ZBTB37: variants seen among roughly 807,000 people sequenced by gnomAD.
ZBTB37 encodes the protein zinc finger and BTB domain containing 37, also known as zinc finger and BTB domain-containing protein 37.
A neutral mutation model predicts 37.7 loss-of-function variants in ZBTB37; 15 were observed. The observed-to-expected ratio is 0.40, with a 90% confidence interval of 0.27 to 0.61. The LOEUF is 0.61. Among genes scored for constraint, ZBTB37 ranks in the 20% least tolerant of loss-of-function variants. The pLI, the probability that ZBTB37 is intolerant of heterozygous loss-of-function variation, is 0.44. For missense variants in ZBTB37, 514 were observed against 641.9 expected (o/e 0.80, Z 2.15); for synonymous variants, 231 against 220.6 (o/e 1.05, Z -0.42).
chr1:173,896,621 T>A (rs1657058766), exon 4 of ZBTB37: 1 of 152,242 alleles, frequency 6.6e-6, no homozygotes, highest in East Asian at 1.9e-4. Flanking sequence ...CAAATATTTA[T>A]TCTTTATTTT....
chr1:173,876,916 A>G (rs1214833961), intron 4 of ZBTB37, among the ~76,000 whole-genome samples: 2 of 152,168 alleles, frequency 1.3e-5, no homozygotes, highest in African/African-American at 4.8e-5. Context: ...ACAAATTTAG[A>G]TGGTATAACC....
intron 4 of ZBTB37, among the ~76,000 whole-genome samples, chr1:173,875,256 A>G (rs891374738): frequency 1.5e-5 from 2 of 134,822 alleles, no homozygotes; most frequent in Non-Finnish European, 3.0e-5. Context: ...TGCGTAGTAT[A>G]CACACACACA....
At chr1:173,893,418 A>C (rs181435309) in exon 4 of ZBTB37, 5 of 152,358 alleles carry the variant, frequency 3.3e-5, no homozygotes, top group Admixed American at 3.3e-4. Flanking sequence ...TTGATACCAG[A>C]CAACATGCTT....
chr1:173,882,138 G>C (rs1231816276), intron 4 of ZBTB37, among the ~76,000 whole-genome samples: 1 of 150,656 alleles, frequency 6.6e-6, no homozygotes, highest in East Asian at 1.9e-4. Flanking sequence ...ATTTGTTTAA[G>C]TTCTTTGTAA....
exon 4 of ZBTB37, chr1:173,898,032 C>A (rs1032738130): frequency 6.6e-6 from 1 of 152,074 alleles, no homozygotes; most frequent in African/African-American, 2.4e-5. Context: ...CAGTGGAGGT[C>A]AAGTCTGTTT....
At chr1:173,895,972 C>T (rs1657029173) in exon 4 of ZBTB37, 1 of 152,222 alleles carries the variant, frequency 6.6e-6, no homozygotes, top group African/African-American at 2.4e-5. Flanking sequence ...GGAGCATTAG[C>T]TGTGTGGCCT....
chr1:173,886,416 C>T (rs548865020), exon 5 of ZBTB37: 7 of 366,566 alleles, frequency 1.9e-5, no homozygotes, highest in South Asian at 3.6e-5. Flanking sequence ...TTTAACAAAA[C>T]GATGATGATA....
chr1:173,897,937 A>G (rs952135647), exon 4 of ZBTB37: 2 of 152,212 alleles, frequency 1.3e-5, no homozygotes, highest in African/African-American at 4.8e-5. Flanking sequence ...ACTTGAGTTT[A>G]GTGCTTTTTT....
intron 4 of ZBTB37, among the ~76,000 whole-genome samples, chr1:173,879,839 T>C (rs997359341): frequency 6.6e-6 from 1 of 152,120 alleles, no homozygotes; most frequent in Admixed American, 6.6e-5. Flanking sequence ...TAATCTCAGC[T>C]ACTCGGGAGG....
At chr1:173,876,327 T>A (rs182566566) in intron 4 of ZBTB37, among the ~76,000 whole-genome samples, 40 of 149,248 alleles carry the variant, frequency 2.7e-4, no homozygotes, top group Non-Finnish European at 5.7e-4. Context: ...TTATTATTAC[T>A]TTTTTTTTTA....
At chr1:173,887,146 T>G (rs1656656906), downstream of ZBTB37, 1 of 152,234 alleles carries the variant, frequency 6.6e-6, no homozygotes, top group Admixed American at 6.5e-5. Flanking sequence ...ATTTGATAAC[T>G]TTTATATGAA....
At chr1:173,884,084 T>A (rs945448462) in intron 4 of ZBTB37, among the ~76,000 whole-genome samples, 1 of 152,090 alleles carries the variant, frequency 6.6e-6, no homozygotes, top group Non-Finnish European at 1.5e-5. Flanking sequence ...TAACTCAGGT[T>A]AAAAAAATAA....
intron 4 of ZBTB37, among the ~76,000 whole-genome samples, chr1:173,881,984 G>A (rs1656339665): frequency 6.6e-6 from 1 of 151,584 alleles, no homozygotes; most frequent in South Asian, 2.1e-4. Flanking sequence ...AACCCGGGAG[G>A]CAGAGCTTGC....
chr1:173,875,332 T>A (rs201346421), intron 4 of ZBTB37, among the ~76,000 whole-genome samples: 3,781 of 81,682 alleles, frequency 0.046, 73 homozygotes, highest in African/African-American at 0.11. Flanking sequence ...ATATATATAT[T>A]TTTTTTTTTT....
intron 4 of ZBTB37, among the ~76,000 whole-genome samples, chr1:173,878,810 G>T (rs746305558): frequency 6.6e-6 from 1 of 152,142 alleles, no homozygotes; most frequent in Non-Finnish European, 1.5e-5. Flanking sequence ...TAGGCTGGGC[G>T]CAGTGGCTCA....
chr1:173,875,069 G>A (rs1655856651), intron 4 of ZBTB37, among the ~76,000 whole-genome samples: 1 of 150,352 alleles, frequency 6.7e-6, no homozygotes, highest in South Asian at 2.1e-4. Context: ...ACCACATACA[G>A]GTAATTTGCA....
chr1:173,885,686 A>C, exon 5 of ZBTB37: 1 of 1,552,146 alleles, frequency 6.4e-7, no homozygotes, highest in Non-Finnish European at 8.7e-7. Flanking sequence ...AGTATCTCCG[A>C]GAGCAGGAAG....
intron 4 of ZBTB37, among the ~76,000 whole-genome samples, chr1:173,882,424 T>G (rs1301784890): frequency 6.6e-6 from 1 of 151,862 alleles, no homozygotes; most frequent in East Asian, 1.9e-4. Context: ...GTATTTTTAG[T>G]AGAGACAGGG....
At chr1:173,879,715 G>C (rs1158167451) in intron 4 of ZBTB37, among the ~76,000 whole-genome samples, 1 of 152,170 alleles carries the variant, frequency 6.6e-6, no homozygotes. Context: ...ACTTTGGGAG[G>C]CCCAGGTATG....
Sources: allele counts gnomAD v4.1 joint callset (sites outside exome capture counted in the v4.1 genomes callset), GRCh38; gene constraint gnomAD v4.1.1; transcripts MANE v1.5; gene names NCBI Gene and HGNC (gene_info 2026-07-23, HGNC 2026-07-21).